Variants in PRKN observed in about 807,000 individuals in gnomAD.
PRKN encodes the protein parkin RBR E3 ubiquitin protein ligase.
A neutral mutation model predicts 59.5 loss-of-function variants in PRKN; 56 were observed. The ratio of observed to expected loss-of-function variants is 0.94; its 90% CI spans 0.76 to 1.18. PRKN has a LOEUF of 1.18. PRKN is among the 50% of genes most tolerant of loss of function. PRKN has a pLI of 0.00. For missense variants in PRKN, 657 were observed against 596.4 expected, an observed-to-expected ratio of 1.10 and a Z score of -1.06; for synonymous variants, 250 against 222.1, an observed-to-expected ratio of 1.13 and a Z score of -1.12.
At chr6:162,405,176 A>G (rs1159020608) in intron 2 of PRKN, among the ~76,000 whole-genome samples, 1 of 152,138 alleles carries the variant, frequency 6.6e-6, no homozygotes, top group East Asian at 1.9e-4. Context: ...TGACACTTGG[A>G]CGTCTTCCAA....
chr6:161,661,779 T>C (rs902560244), intron 7 of PRKN, among the ~76,000 whole-genome samples: 11 of 152,120 alleles, frequency 7.2e-5, no homozygotes, highest in African/African-American at 2.7e-4. Flanking sequence ...TCACAGCACT[T>C]TGGGAGGCCG....
rs1164722862 is a variant in PRKN at position 162,618,155 on chromosome 6, T to C, written c.7+109507A>G. 6.6e-5 allele frequency among the ~76,000 whole-genome samples: 10 copies of C among 152,166 alleles called. No individual in the cohort carries two copies. The East Asian group carries it at 1.5e-3, about 23-fold the overall frequency. ...CTCTTTCTGTCTGAAACTGAAGTCA[T>C]TTTTTAAAACTGTTTGGAGCACATT... is the stretch of plus-strand genomic sequence containing the variant. On this transcript the variant is annotated intron_variant, in intron 1 of 11. Coordinates refer to ENST00000366898, the MANE Select transcript of PRKN (RefSeq NM_004562.3).
At position 161,388,292 on chromosome 6, in the gene PRKN, G is replaced by A. The variant is rs891786788; in HGVS notation, c.1084-1415C>T. ...GAGGTAGTGAGATAGCACATGCTGAGTGGCTACAATCACAGCATACAATGT... is the reference window on the plus strand; with the variant it reads ...GAGGTAGTGAGATAGCACATGCTGAATGGCTACAATCACAGCATACAATGT... On this transcript the variant is annotated intron_variant, in intron 9 of 11. Coordinates refer to ENST00000366898, the MANE Select transcript of PRKN (RefSeq NM_004562.3). This position sits in a 1 kb window ranked among gnomAD's most constrained non-coding sequence, Gnocchi z 4.3. Among the ~76,000 whole-genome samples, 3 of 152,240 alleles carry A rather than the reference G, an allele frequency of 2.0e-5. No individual in the cohort carries two copies. Among genetic ancestry groups the A allele is most frequent in the African/African-American group, 7.2e-5 (3 of 41,468 alleles).
intron 2 of PRKN, among the ~76,000 whole-genome samples, chr6:162,397,055 C>A (rs1299249716): frequency 6.6e-6 from 1 of 152,130 alleles, no homozygotes; most frequent in Non-Finnish European, 1.5e-5. Context: ...AAGGGTCACT[C>A]CTATGACTTT....
At chr6:161,564,429 T>C (rs917228940) in intron 8 of PRKN, among the ~76,000 whole-genome samples, 5 of 152,144 alleles carry the variant, frequency 3.3e-5, no homozygotes, top group Admixed American at 6.5e-5. Context: ...CCTTCCCCCA[T>C]GCTTGGGGAA....
rs528127408 is a variant in PRKN at position 161,458,073 on chromosome 6, A to T, written c.1084-71196T>A. Among the ~76,000 whole-genome samples the T allele has an allele frequency of 6.6e-6, 1 of 152,216 alleles. No homozygotes were observed. The highest frequency in any genetic ancestry group is 1.5e-5 in the Non-Finnish European group (1 of 68,040). On this transcript the variant is annotated intron_variant, in intron 9 of 11. Transcript: ENST00000366898. This position sits in a 1 kb window ranked among gnomAD's most constrained non-coding sequence, Gnocchi z 6.1. ...TATCCTAGCTGTTATGGGAATACTTATAAGAAGAAAAAGAGAAATACAGCT... is the reference window on the plus strand; with the variant it reads ...TATCCTAGCTGTTATGGGAATACTTTTAAGAAGAAAAAGAGAAATACAGCT...
chr6:162,686,735 T>C (rs1198746249), intron 1 of PRKN, among the ~76,000 whole-genome samples: 1 of 152,176 alleles, frequency 6.6e-6, no homozygotes, highest in African/African-American at 2.4e-5. Context: ...AACAGGTATG[T>C]GGAGAAGGAC....
At chr6:161,830,196 T>A (rs934392911) in intron 6 of PRKN, among the ~76,000 whole-genome samples, 9 of 152,016 alleles carry the variant, frequency 5.9e-5, no homozygotes, top group Non-Finnish European at 8.8e-5. Context: ...GGAACCAGAG[T>A]CTCTGCTGCG....
chr6:161,815,365 C>T (rs534786680), intron 6 of PRKN, among the ~76,000 whole-genome samples: 2 of 152,274 alleles, frequency 1.3e-5, no homozygotes, highest in East Asian at 1.9e-4. Flanking sequence ...AAAGTGTTCA[C>T]CTATACAAAG....
intron 7 of PRKN, among the ~76,000 whole-genome samples, chr6:161,684,417 T>C (rs1451630749): frequency 6.6e-6 from 1 of 152,158 alleles, no homozygotes; most frequent in African/African-American, 2.4e-5. Flanking sequence ...GGAAAATCCA[T>C]GTATTGGCTC....
chr6:161,428,882 A>G lies in PRKN; in HGVS notation c.1084-42005T>C, dbSNP rs1465974375. 6.6e-6 allele frequency among the ~76,000 whole-genome samples: 1 copy of G among 152,154 alleles called. No individual in the cohort carries two copies. The highest frequency in any genetic ancestry group is 6.5e-5 in the Admixed American group (1 of 15,282). ...CCAGTGTTTCAAGCAGGCCTCTATC[A>G]TGTGCTGACCTATGGCTAGGGGTCC... On this transcript the variant is annotated intron_variant, in intron 9 of 11. Coordinates refer to ENST00000366898, the MANE Select transcript of PRKN (RefSeq NM_004562.3). The surrounding 1 kb of genome is among the most constrained non-coding windows in gnomAD (Gnocchi z 4.0).
intron 2 of PRKN, among the ~76,000 whole-genome samples, chr6:162,292,588 C>T (rs893983437): frequency 6.6e-6 from 1 of 152,020 alleles, no homozygotes; most frequent in Non-Finnish European, 1.5e-5. Context: ...ATGGAAGCTT[C>T]GAAGTGGGAA....
chr6:162,271,016 GTTTTTTT>G (rs61368267), intron 2 of PRKN, among the ~76,000 whole-genome samples: 7 of 108,242 alleles, frequency 6.5e-5, no homozygotes, highest in South Asian at 6.8e-4. Flanking sequence ...TAATTTTCTA[GTTTTTTT>G]TTTTTTTTTT....
chr6:162,345,026 A>C (rs1784338769), intron 2 of PRKN, among the ~76,000 whole-genome samples: 1 of 152,196 alleles, frequency 6.6e-6, no homozygotes, highest in Non-Finnish European at 1.5e-5. Flanking sequence ...AGCTCCACAA[A>C]CAACCAAGGA....
At chr6:162,018,855 T>C (rs1783026668) in intron 5 of PRKN, among the ~76,000 whole-genome samples, 1 of 152,224 alleles carries the variant, frequency 6.6e-6, no homozygotes, top group African/African-American at 2.4e-5. Flanking sequence ...CTAAGTTAAA[T>C]ATAAAATCTA....
Position 162,011,506 on chromosome 6 carries a change from T to TTA in PRKN, c.619-38091_619-38090dup, listed in dbSNP as rs1554260825. Among the ~76,000 whole-genome samples, 4 of 15,652 alleles carry TTA rather than the reference T, an allele frequency of 2.6e-4. 1 individual carries two copies. Among genetic ancestry groups the TTA allele is most frequent in the East Asian group, 3.9e-3 (2 of 518 alleles). The allele number at this position is 15,652 out of a possible 152,430, so 10.3% of individuals were successfully genotyped here. On this transcript the variant is annotated intron_variant, in intron 5 of 11. Coordinates refer to ENST00000366898, the MANE Select transcript of PRKN (RefSeq NM_004562.3). ...TTATAATATATATAATATATATTTA[T>TTA]TATATATATATTATATATATATATA...
chr6:161,929,517 C>CTTTTTTTTTTT lies in PRKN; in HGVS notation c.734+43774_734+43784dup, dbSNP rs759945931. Among the ~76,000 whole-genome samples the CTTTTTTTTTTT allele has an allele frequency of 9.7e-5, 7 of 72,272 alleles. 1 individual carries two copies. The highest frequency in any genetic ancestry group is 2.3e-4 in the African/African-American group (4 of 17,466). The allele number at this position is 72,272 out of a possible 152,430, so 47.4% of individuals were successfully genotyped here. A position where few individuals can be genotyped will look rare whatever the true frequency, so the allele number is the denominator to read the frequency against. ...GTTTAGTTTTATGTGAATTTCACCT[C>CTTTTTTTTTTT]TTTTTTTTTTTTTTTTTTTTTTTTG... On this transcript the variant is annotated intron_variant, in intron 6 of 11. Coordinates refer to ENST00000366898, the MANE Select transcript of PRKN (RefSeq NM_004562.3).
intron 4 of PRKN, among the ~76,000 whole-genome samples, chr6:162,114,941 TC>T (rs1350413157): frequency 3.3e-5 from 5 of 151,804 alleles, no homozygotes; most frequent in Non-Finnish European, 5.9e-5. Flanking sequence ...GTGTGGCGAT[TC>T]CTCAGGGATC....
intron 5 of PRKN, among the ~76,000 whole-genome samples, chr6:161,992,914 A>C (rs114612835): frequency 0.013 from 1,939 of 152,280 alleles, 39 homozygotes; most frequent in African/African-American, 0.044. Flanking sequence ...AGAATTAAAA[A>C]TGGAAATGTA....
Sources: gnomAD v4.1 joint callset for allele counts (sites outside exome capture counted in the v4.1 genomes callset) on GRCh38, gnomAD v4.1.1 for gene constraint, Gnocchi (gnomAD v3.1) non-coding constraint, MANE v1.5 for transcripts, NCBI Gene and HGNC (gene_info 2026-07-23, HGNC 2026-07-21) for gene names.